Variants in LRRTM4 observed in about 807,000 individuals in gnomAD.
LRRTM4 encodes the protein leucine-rich repeat transmembrane neuronal protein 4.
LRRTM4 carries 25 observed loss-of-function variants against 47.6 expected under a neutral mutation model. The observed-to-expected ratio is 0.53, with a 90% CI of 0.38 to 0.73. The LOEUF is 0.73. LRRTM4 is among the 30% of genes least tolerant of loss of function. LRRTM4 has a pLI of 0.00. For synonymous variants in LRRTM4, 311 were observed against 269.5 expected (o/e 1.15, Z -1.51); for missense variants, 638 against 713.4 (o/e 0.89, Z 1.20).
At chr2:77,293,966 T>C (rs1387392634) in intron 3 of LRRTM4, among the ~76,000 whole-genome samples, 2 of 152,138 alleles carry the variant, frequency 1.3e-5, no homozygotes, top group African/African-American at 4.8e-5. Flanking sequence ...TTTTAAGTCA[T>C]TGAAATAAGG....
intron 3 of LRRTM4, among the ~76,000 whole-genome samples, chr2:77,467,558 C>A (rs986640965): frequency 1.3e-5 from 2 of 152,144 alleles, no homozygotes; most frequent in African/African-American, 4.8e-5. Flanking sequence ...TGAACACTTG[C>A]ATGCTTAACC....
chr2:77,419,032 C>T (rs1406858498), intron 3 of LRRTM4, among the ~76,000 whole-genome samples: 1 of 152,130 alleles, frequency 6.6e-6, no homozygotes, highest in African/African-American at 2.4e-5. Context: ...TTCACAAAGG[C>T]ATTTTTAAGT....
At chr2:76,853,942 C>T (rs566370584) in intron 3 of LRRTM4, among the ~76,000 whole-genome samples, 1 of 152,248 alleles carries the variant, frequency 6.6e-6, no homozygotes, top group Admixed American at 6.5e-5. Context: ...GTTTAAAATT[C>T]ATATGCCTCT....
At chr2:76,994,810 GA>G (rs2104003020) in intron 3 of LRRTM4, among the ~76,000 whole-genome samples, 2 of 151,970 alleles carry the variant, frequency 1.3e-5, no homozygotes, top group South Asian at 2.1e-4. Context: ...CTGTTTTGAT[GA>G]ATGTGTGAAA....
intron 3 of LRRTM4, among the ~76,000 whole-genome samples, chr2:77,292,457 A>T (rs1676852568): frequency 6.6e-6 from 1 of 152,078 alleles, no homozygotes; most frequent in African/African-American, 2.4e-5. Context: ...CAAATGTCCA[A>T]CAATGATAGA....
intron 3 of LRRTM4, among the ~76,000 whole-genome samples, chr2:76,800,834 C>T (rs963740817): frequency 2.0e-5 from 3 of 150,152 alleles, no homozygotes; most frequent in African/African-American, 7.4e-5. Flanking sequence ...ATTTATGCAG[C>T]CAAAAAACAC....
At chr2:77,100,128 C>T (rs766196780) in intron 3 of LRRTM4, among the ~76,000 whole-genome samples, 1 of 152,084 alleles carries the variant, frequency 6.6e-6, no homozygotes, top group African/African-American at 2.4e-5. Flanking sequence ...CCTTGTCAGC[C>T]TCATTCCACT....
intron 3 of LRRTM4, among the ~76,000 whole-genome samples, chr2:76,783,282 T>C (rs2104168572): frequency 6.6e-6 from 1 of 152,324 alleles, no homozygotes; most frequent in African/African-American, 2.4e-5. Flanking sequence ...CACCTTTCCA[T>C]ACATGAAAAC....
At chr2:77,431,993 G>A (rs1675397411) in intron 3 of LRRTM4, among the ~76,000 whole-genome samples, 1 of 152,126 alleles carries the variant, frequency 6.6e-6, no homozygotes, top group Non-Finnish European at 1.5e-5. Context: ...AGAATCACTT[G>A]AACCTGGGAG....
intron 3 of LRRTM4, chr2:77,517,963 GTCAAACACCAAGAACCAGACAGAAATT>G: frequency 2.0e-6 from 2 of 1,019,360 alleles, no homozygotes; most frequent in Non-Finnish European, 2.3e-6. Context: ...CATTACAACA[GTCAAACACCAAGAACCAGACAGAAATT>G]TCAGAATGAA....
intron 3 of LRRTM4, among the ~76,000 whole-genome samples, chr2:77,274,904 A>G (rs1040897061): frequency 1.3e-5 from 2 of 152,158 alleles, no homozygotes; most frequent in Admixed American, 6.6e-5. Flanking sequence ...GGTAGCCCTC[A>G]TTGTGAATGG....
intron 3 of LRRTM4, among the ~76,000 whole-genome samples, chr2:77,349,464 T>C (rs1337471163): frequency 6.6e-6 from 1 of 152,112 alleles, no homozygotes; most frequent in Admixed American, 6.5e-5. Context: ...AGTGATACTA[T>C]ACTACTGACT....
intron 3 of LRRTM4, among the ~76,000 whole-genome samples, chr2:76,916,171 C>T (rs1365346875): frequency 1.3e-5 from 2 of 151,748 alleles, no homozygotes; most frequent in Non-Finnish European, 2.9e-5. Context: ...GATTGTAATA[C>T]TTTAAACAAA....
In LRRTM4 at chr2:77,510,170, G is replaced by A. The variant is rs74752204; in HGVS notation, c.1551+8148C>T. On this transcript the variant is annotated intron_variant, in intron 3 of 3. Transcript: ENST00000409884. ...AATAGTGAAATGAATGCATCATGAT[G>A]AAATTTATGATGAAACAAACAATAT... Among the ~76,000 whole-genome samples the A allele has an allele frequency of 2.0e-3, 305 of 152,182 alleles. 10 individuals are homozygous for A. The East Asian group carries it at 0.055, about 27-fold the overall frequency.
At chr2:77,030,456 A>T (rs891225009) in intron 3 of LRRTM4, among the ~76,000 whole-genome samples, 1 of 152,126 alleles carries the variant, frequency 6.6e-6, no homozygotes, top group Non-Finnish European at 1.5e-5. Context: ...GTAAACATTT[A>T]TTGACAGTAA....
chr2:77,149,056 T>C (rs1672346962), intron 3 of LRRTM4, among the ~76,000 whole-genome samples: 1 of 152,190 alleles, frequency 6.6e-6, no homozygotes, highest in South Asian at 2.1e-4. Flanking sequence ...ATTCACACCA[T>C]GATTTTCTAT....
intron 3 of LRRTM4, among the ~76,000 whole-genome samples, chr2:76,780,078 T>C (rs1674279239): frequency 2.6e-5 from 4 of 152,226 alleles, no homozygotes; most frequent in Admixed American, 2.6e-4. Flanking sequence ...TTATGAATGT[T>C]GAATATTGGC....
At chr2:77,314,427 T>C (rs560024100) in intron 3 of LRRTM4, among the ~76,000 whole-genome samples, 1 of 152,350 alleles carries the variant, frequency 6.6e-6, no homozygotes, top group Non-Finnish European at 1.5e-5. Context: ...TCTTGATTTA[T>C]AGCCTTTTAT....
intron 3 of LRRTM4, among the ~76,000 whole-genome samples, chr2:77,092,582 C>T (rs1572954435): frequency 7.0e-6 from 1 of 142,840 alleles, no homozygotes; most frequent in South Asian, 2.2e-4. Context: ...GATTTGCCCC[C>T]ACCCAGGACT....
Sources: gnomAD v4.1 joint callset for allele counts (sites outside exome capture counted in the v4.1 genomes callset) on GRCh38, gnomAD v4.1.1 for gene constraint, MANE v1.5 for transcripts, NCBI Gene and HGNC (gene_info 2026-07-23, HGNC 2026-07-21) for gene names.